BTRC: variants seen among roughly 807,000 people sequenced by gnomAD.
BTRC encodes the protein beta-transducin repeat containing E3 ubiquitin protein ligase.
Under a neutral mutation model 85.5 loss-of-function variants are expected in BTRC, and 42 were observed. The ratio of observed to expected loss-of-function variants is 0.49; its 90% CI spans 0.38 to 0.64. The LOEUF is 0.64. Among genes scored for constraint, BTRC ranks in the 30% least tolerant of loss-of-function variants. The pLI, the probability that BTRC is intolerant of heterozygous loss-of-function variation, is 0.00. For missense variants in BTRC, 594 were observed against 743.5 expected (o/e 0.80, Z 2.34); for synonymous variants, 255 against 263.3 (o/e 0.97, Z 0.30).
At chr10:101,505,178 T>TATATA (rs1564812304) in intron 4 of BTRC, among the ~76,000 whole-genome samples, 2 of 143,396 alleles carry the variant, frequency 1.4e-5, no homozygotes, top group Non-Finnish European at 3.1e-5. Context: ...TATATATATA[T>TATATA]TTTTTAGTAG....
chr10:101,438,166 T>C (rs568111337), intron 2 of BTRC, among the ~76,000 whole-genome samples: 2 of 152,126 alleles, frequency 1.3e-5, no homozygotes, highest in African/African-American at 4.8e-5. Flanking sequence ...TCTTCTCACG[T>C]CTGTAATCCC....
intron 6 of BTRC, among the ~76,000 whole-genome samples, chr10:101,530,753 A>G (rs2062267739): frequency 6.6e-6 from 1 of 152,244 alleles, no homozygotes; most frequent in Admixed American, 6.5e-5. Flanking sequence ...TTTAGAGCCC[A>G]GAAGGTTACT....
intron 4 of BTRC, among the ~76,000 whole-genome samples, chr10:101,502,637 G>T (rs1426418708): frequency 6.6e-6 from 1 of 152,092 alleles, no homozygotes; most frequent in African/African-American, 2.4e-5. Flanking sequence ...AGTGATAGTA[G>T]CATCCTTCTT....
At chr10:101,500,215 A>T (rs896433747) in intron 4 of BTRC, among the ~76,000 whole-genome samples, 1 of 152,006 alleles carries the variant, frequency 6.6e-6, no homozygotes, top group African/African-American at 2.4e-5. Flanking sequence ...CTATACACCT[A>T]GGCTATATGG....
At chr10:101,480,894 A>G (rs552624072) in intron 4 of BTRC, among the ~76,000 whole-genome samples, 2 of 152,272 alleles carry the variant, frequency 1.3e-5, no homozygotes, top group African/African-American at 4.8e-5. Context: ...AACAAGTGCT[A>G]ATTGACCCTA....
rs2062389499 is a variant in BTRC at position 101,536,556 on chromosome 10, G to C, written c.1480G>C (p.Glu494Gln). 3 of 1,612,822 alleles carry C rather than the reference G, an allele frequency of 1.9e-6. No homozygotes were observed. In the East Asian group the frequency reaches 6.7e-5, roughly 36 times the overall value. ...SDNTIRLWDIECGACLRVLEG... is the reference protein window; with the variant it reads ...SDNTIRLWDIQCGACLRVLEG... Reference sequence around the variant, plus strand: ...TTTCTCTTCCAGATTATGGGACATAGAATGTGGTGCATGTTTACGAGTGTT... The same window carrying C: ...TTTCTCTTCCAGATTATGGGACATACAATGTGGTGCATGTTTACGAGTGTT... Residue 494 changes from glutamate (E) to glutamine (Q), a missense_variant, in exon 12 of 15, where the codon GAA (glutamate) becomes CAA (glutamine). This residue lies in a region of BTRC where 373 missense variants were observed against 503.6 expected (regional missense o/e 0.74). Transcript: ENST00000370187.
chr10:101,434,648 A>AC (rs1413927307), intron 2 of BTRC, among the ~76,000 whole-genome samples: 5 of 151,984 alleles, frequency 3.3e-5, no homozygotes, highest in Non-Finnish European at 7.4e-5. Context: ...ATGAGCAGGA[A>AC]CCAGGTACAG....
chr10:101,448,254 T>C (rs1395204971), intron 2 of BTRC, among the ~76,000 whole-genome samples: 1 of 152,110 alleles, frequency 6.6e-6, no homozygotes, highest in African/African-American at 2.4e-5. Context: ...GTTCCTTCTA[T>C]TGGAGAAAAA....
At chr10:101,495,943 T>G (rs1350289572) in intron 4 of BTRC, among the ~76,000 whole-genome samples, 1 of 151,726 alleles carries the variant, frequency 6.6e-6, no homozygotes, top group African/African-American at 2.4e-5. Flanking sequence ...AACATTATCC[T>G]CACTTCTAAC....
chr10:101,536,726 C>T, intron 12 of BTRC, 73 bp downstream of exon 12: 1 of 1,095,414 alleles, frequency 9.1e-7, no homozygotes, highest in Non-Finnish European at 1.3e-6. Context: ...TGGTGTTAAA[C>T]ATAACCATTC....
At chr10:101,493,000 T>C (rs1361556517) in intron 4 of BTRC, among the ~76,000 whole-genome samples, 1 of 152,218 alleles carries the variant, frequency 6.6e-6, no homozygotes, top group Non-Finnish European at 1.5e-5. Flanking sequence ...TGCTGTTGAT[T>C]GCAAATTACT....
intron 2 of BTRC, among the ~76,000 whole-genome samples, chr10:101,455,564 G>T (rs1056024249): frequency 1.3e-5 from 2 of 152,134 alleles, no homozygotes; most frequent in Admixed American, 1.3e-4. Flanking sequence ...CTCAGAGAAG[G>T]TATCATTTTA....
At chr10:101,370,730 C>A (rs775702547) in intron 1 of BTRC, among the ~76,000 whole-genome samples, 3 of 149,926 alleles carry the variant, frequency 2.0e-5, no homozygotes, top group African/African-American at 7.3e-5. Flanking sequence ...CACCAAACAT[C>A]GGCTAATTTT....
chr10:101,439,990 A>C (rs956776746), intron 2 of BTRC, among the ~76,000 whole-genome samples: 15 of 152,254 alleles, frequency 9.9e-5, no homozygotes, highest in Middle Eastern at 3.2e-3. Context: ...GTCTTTAACA[A>C]GTGGTGAAAT....
chr10:101,521,378 T>G (rs1320370565), intron 4 of BTRC, among the ~76,000 whole-genome samples: 1 of 152,274 alleles, frequency 6.6e-6, no homozygotes, highest in African/African-American at 2.4e-5. Context: ...TGCTTTCAGC[T>G]TTTGGTTTTT....
At chr10:101,425,599 C>T (rs1002929865) in intron 1 of BTRC, among the ~76,000 whole-genome samples, 7 of 148,720 alleles carry the variant, frequency 4.7e-5, no homozygotes, top group African/African-American at 1.5e-4. Context: ...CAGGAGAATG[C>T]GTAGTTGCTG....
chr10:101,441,612 G>T (rs955487538), intron 2 of BTRC, among the ~76,000 whole-genome samples: 31 of 152,248 alleles, frequency 2.0e-4, no homozygotes, highest in African/African-American at 7.5e-4. Flanking sequence ...GGGCGTGGTG[G>T]CTCATGCCTA....
chr10:101,475,951 A>T (rs1027618084), intron 3 of BTRC, among the ~76,000 whole-genome samples: 3 of 139,644 alleles, frequency 2.1e-5, no homozygotes, highest in African/African-American at 8.2e-5. Context: ...ATATATATAT[A>T]TATTCAGTAA....
chr10:101,394,638 AAAG>A (rs1471279658), intron 1 of BTRC, among the ~76,000 whole-genome samples: 5 of 152,210 alleles, frequency 3.3e-5, no homozygotes, highest in Non-Finnish European at 5.9e-5. Flanking sequence ...GAGAAGAAAT[AAAG>A]AAGTCCCTAT....
Sources: gnomAD v4.1 joint callset for allele counts (sites outside exome capture counted in the v4.1 genomes callset) on GRCh38, gnomAD v4.1.1 for gene constraint, gnomAD v4.1.1 regional missense constraint, MANE v1.5 for transcripts, NCBI Gene and HGNC (gene_info 2026-07-23, HGNC 2026-07-21) for gene names.